The following AVEN variants were observed in gnomAD, a reference collection of about 807,000 sequenced individuals.
The protein encoded by AVEN is apoptosis and caspase activation inhibitor, also known as cell death regulator Aven.
AVEN carries 41 observed loss-of-function variants against 38.1 expected under a neutral mutation model. That is an observed-to-expected ratio of 1.08 (90% CI 0.84 to 1.40). AVEN has a LOEUF of 1.40. Ranked by LOEUF, AVEN falls within the 40% of genes most tolerant of loss-of-function variation. AVEN has a pLI of 0.00. For missense variants in AVEN, 605 were observed against 438.8 expected, an observed-to-expected ratio of 1.38 and a Z score of -3.38; for synonymous variants, 206 against 171.8, an observed-to-expected ratio of 1.20 and a Z score of -1.56.
At chr15:33,896,970 A>G (rs1490164962) in intron 2 of AVEN, among the ~76,000 whole-genome samples, 2 of 152,206 alleles carry the variant, frequency 1.3e-5, no homozygotes, top group African/African-American at 4.8e-5. Context: ...CTCAAAAATC[A>G]GCTGAATGAG....
At chr15:33,951,402 G>A (rs987938172) in intron 2 of AVEN, among the ~76,000 whole-genome samples, 2 of 151,542 alleles carry the variant, frequency 1.3e-5, no homozygotes, top group African/African-American at 4.9e-5. Context: ...TTCATACACC[G>A]GGGCCTGTCA....
At chr15:33,861,830 G>C (rs796285501), downstream of AVEN, among the ~76,000 whole-genome samples, 27 of 151,638 alleles carry the variant, frequency 1.8e-4, no homozygotes, top group Middle Eastern at 3.4e-3. Context: ...TGTTTTTGTT[G>C]GCCAGGCTGG....
At position 33,867,828 on chromosome 15, in the gene AVEN, C is replaced by T; in HGVS notation, c.640G>A (p.Val214Met). ...QGTVPLEVPQ[V>M]KPKRTDDGKG... ...CCATCATCAGTTCTCTTTGGTTTCACCTGAGGAACCTCTAAAGGAACTGTA... is the reference window on the plus strand; with the variant it reads ...CCATCATCAGTTCTCTTTGGTTTCATCTGAGGAACCTCTAAAGGAACTGTA... Residue 214 changes from valine to methionine, a missense_variant, in exon 5 of 6, where the codon GTG becomes ATG. By Grantham distance (21) the Val-to-Met change is conservative (BLOSUM62 1). Transcript: ENST00000306730. 1 of 1,598,650 alleles carries T rather than the reference C, an allele frequency of 6.3e-7. No homozygotes were observed. Among genetic ancestry groups the T allele is most frequent in the East Asian group, 2.2e-5 (1 of 44,802 alleles).
intron 5 of AVEN, 85 bp downstream of exon 5, chr15:33,867,410 G>T: frequency 6.7e-7 from 1 of 1,482,436 alleles, no homozygotes; most frequent in Non-Finnish European, 9.0e-7. Flanking sequence ...CACCCAGAGG[G>T]ATGTGTGCGG....
In AVEN at chr15:34,068,120, ATGTG is replaced by A. The variant is rs4041440; in HGVS notation, n.785-1313_785-1310del. Among the ~76,000 whole-genome samples, 434 of 150,502 alleles carry A rather than the reference ATGTG, an allele frequency of 2.9e-3. 1 individual carries two copies. Among genetic ancestry groups the A allele is most frequent in the African/African-American group, 9.3e-3 (381 of 41,098 alleles). ...CCACATCTGTGCCTGCTCTCTCTGT[ATGTG>A]TGTGTGTGTGTGTGTGCACATTTTT... On this transcript the variant is annotated intron_variant and non_coding_transcript_variant, in intron 2 of 11. Coordinates refer to the AVEN transcript ENST00000675287.
upstream of AVEN, among the ~76,000 whole-genome samples, chr15:34,075,181 C>CAAAAA (rs58860397): frequency 5.1e-3 from 343 of 67,256 alleles, 7 homozygotes; most frequent in African/African-American, 0.018. Flanking sequence ...GACTCTGGCT[C>CAAAAA]AAAAAAAAAA....
intron 2 of AVEN, among the ~76,000 whole-genome samples, chr15:33,904,714 T>TACACACACACACACACAC (rs201939919): frequency 0.02 from 2,920 of 142,500 alleles, 56 homozygotes; most frequent in East Asian, 0.072. Flanking sequence ...TATATATATA[T>TACACACACACACACACAC]ATACACACAC....
chr15:33,854,632 TG>T, downstream of AVEN: 2 of 1,220,418 alleles, frequency 1.6e-6, no homozygotes, highest in South Asian at 1.5e-5. Context: ...TAGCAGATCT[TG>T]GGCCAGCTCA....
intron 2 of AVEN, among the ~76,000 whole-genome samples, chr15:33,923,386 A>C (rs1191827488): frequency 6.6e-6 from 1 of 152,256 alleles, no homozygotes; most frequent in East Asian, 1.9e-4. Flanking sequence ...TTAATTCCTC[A>C]AAGCATATTA....
chr15:33,994,500 C>T (rs896425118), intron 2 of AVEN, among the ~76,000 whole-genome samples: 4 of 152,146 alleles, frequency 2.6e-5, no homozygotes, highest in Admixed American at 6.5e-5. Flanking sequence ...CATCCTGAAA[C>T]CGTCATCCTC....
chr15:34,005,418 G>T (rs1897301034), intron 1 of AVEN, among the ~76,000 whole-genome samples: 1 of 149,170 alleles, frequency 6.7e-6, no homozygotes, highest in Non-Finnish European at 1.5e-5. Context: ...GCTTCCTCAT[G>T]GTATTATTTA....
At chr15:33,952,813 C>T (rs984954767) in intron 2 of AVEN, among the ~76,000 whole-genome samples, 2 of 151,094 alleles carry the variant, frequency 1.3e-5, no homozygotes, top group African/African-American at 4.9e-5. Flanking sequence ...GCCCAAAACA[C>T]CAAGTTGGAC....
downstream of AVEN, chr15:33,864,214 C>G (rs59611174): frequency 6.6e-3 from 10,334 of 1,573,198 alleles, 620 homozygotes; most frequent in African/African-American, 0.12. Context: ...ATCATATACC[C>G]GTGTTAGATC....
chr15:33,886,840 G>A (rs1297281056), intron 2 of AVEN, among the ~76,000 whole-genome samples: 2 of 152,174 alleles, frequency 1.3e-5, no homozygotes, highest in Non-Finnish European at 2.9e-5. Context: ...AGGCTGGTAT[G>A]GTGGCCCAGG....
At chr15:34,073,990 T>A (rs1212488177) in intron 1 of AVEN, among the ~76,000 whole-genome samples, 1 of 10,560 alleles carries the variant, frequency 9.5e-5, no homozygotes, top group African/African-American at 1.2e-4. Context: ...CTTCTTCTTC[T>A]TTTTTTTTTT....
chr15:33,951,140 T>C (rs567779621), intron 2 of AVEN, among the ~76,000 whole-genome samples: 1 of 151,912 alleles, frequency 6.6e-6, no homozygotes, highest in Admixed American at 6.6e-5. Context: ...GCAGGAGACT[T>C]CAGCCAAGGC....
intron 1 of AVEN, among the ~76,000 whole-genome samples, chr15:34,027,515 A>G (rs911390012): frequency 4.2e-5 from 6 of 143,968 alleles, no homozygotes; most frequent in Non-Finnish European, 9.3e-5. Flanking sequence ...GATGACAAAG[A>G]GAGACTCTGT....
intron 1 of AVEN, among the ~76,000 whole-genome samples, chr15:34,031,481 G>A (rs536891546): frequency 2.6e-5 from 4 of 152,192 alleles, no homozygotes; most frequent in African/African-American, 9.6e-5. Flanking sequence ...AGACTGCTTA[G>A]GTTAATATTA....
intron 1 of AVEN, among the ~76,000 whole-genome samples, chr15:34,015,205 C>T (rs1314541473): frequency 2.0e-5 from 3 of 152,036 alleles, no homozygotes; most frequent in Non-Finnish European, 2.9e-5. Context: ...CAAAATAGGC[C>T]GGGCGCAGTG....
Sources: gnomAD v4.1 joint callset for allele counts (sites outside exome capture counted in the v4.1 genomes callset) on GRCh38, gnomAD v4.1.1 for gene constraint, MANE v1.5 for transcripts, NCBI Gene and HGNC (gene_info 2026-07-23, HGNC 2026-07-21) for gene names.